Variants in SNX8 observed in about 807,000 individuals in gnomAD.
The protein encoded by SNX8 is sorting nexin 8.
Under a neutral mutation model 51.6 loss-of-function variants are expected in SNX8, and 25 were observed. That is an observed-to-expected ratio of 0.48 (90% CI 0.35 to 0.68). SNX8 has a LOEUF of 0.68. Ranked by LOEUF, SNX8 falls within the 30% of genes least tolerant of loss-of-function variation. The pLI, the probability that SNX8 is intolerant of heterozygous loss-of-function variation, is 0.00. For missense variants in SNX8, 695 were observed against 624.0 expected (o/e 1.11, Z -1.21); for synonymous variants, 324 against 277.0 (o/e 1.17, Z -1.68).
At chr7:2,268,365 T>G in intron 5 of SNX8, among the ~76,000 whole-genome samples, 1 of 132,612 alleles carries the variant, frequency 7.5e-6, no homozygotes, top group Admixed American at 7.4e-5. Flanking sequence ...GTCTGAGAAG[T>G]GAGGAGCCTC....
At chr7:2,288,439 T>C (rs927619039) in intron 1 of SNX8, 1 of 166,116 alleles carries the variant, frequency 6.0e-6, no homozygotes, top group Admixed American at 6.6e-5. Flanking sequence ...ATTTCTGTCA[T>C]GGATATATTA....
chr7:2,332,687 C>T lies in SNX8; in HGVS notation c.-66+21535G>A, dbSNP rs112199571. Among the ~76,000 whole-genome samples the T allele has an allele frequency of 2.2e-3, 335 of 149,368 alleles. 1 individual carries two copies. The highest frequency in any genetic ancestry group is 6.5e-3 in the African/African-American group (262 of 40,376). On this transcript the variant is annotated intron_variant, in intron 1 of 5. Transcript: ENST00000435336. ...ACTGCTTAAGTCCGGGACATCAAGG[C>T]TACTGTGAGCTATAATGGGACCACT... is the stretch of plus-strand genomic sequence containing the variant.
intron 1 of SNX8, among the ~76,000 whole-genome samples, chr7:2,301,405 G>C (rs533678271): frequency 1.3e-5 from 2 of 152,308 alleles, no homozygotes; most frequent in East Asian, 1.9e-4. Flanking sequence ...GCTTTGTCTA[G>C]GAAGGAATTC....
intron 1 of SNX8, among the ~76,000 whole-genome samples, chr7:2,326,263 G>A (rs545004944): frequency 2.3e-4 from 35 of 152,260 alleles, no homozygotes; most frequent in African/African-American, 8.2e-4. Context: ...TACTTGGGAG[G>A]CTGAGGCAAG....
Position 2,268,449 on chromosome 7 carries a change from T to C in SNX8, c.621+1110A>G, listed in dbSNP as rs1241559606. Reference sequence around the variant, plus strand: ...GCAGCCACCCCATCCGGGAGGGAGGTGGGGGGGGTCAGCCCCCCGCCCGGC... The same window carrying C: ...GCAGCCACCCCATCCGGGAGGGAGGCGGGGGGGGTCAGCCCCCCGCCCGGC... On this transcript the variant is annotated intron_variant, in intron 5 of 10. Transcript: ENST00000222990. 9.5e-3 allele frequency among the ~76,000 whole-genome samples: 998 copies of C among 105,426 alleles called. 6 individuals carry two copies. Among genetic ancestry groups the C allele is most frequent in the Admixed American group, 0.017 (182 of 10,776 alleles). 69.2% of individuals were successfully genotyped at this position (105,426 alleles called of 152,430 possible).
upstream of SNX8, among the ~76,000 whole-genome samples, chr7:2,318,384 G>C (rs1796786253): frequency 1.3e-5 from 2 of 151,616 alleles, no homozygotes; most frequent in African/African-American, 4.8e-5. Flanking sequence ...AACCACTACA[G>C]TCTCTACCGG....
chr7:2,334,895 A>AG (rs1778798610), intron 1 of SNX8, among the ~76,000 whole-genome samples: 1 of 127,136 alleles, frequency 7.9e-6, no homozygotes, highest in Non-Finnish European at 1.7e-5. Flanking sequence ...AAAAAAAAAA[A>AG]AAGACTTGTT....
chr7:2,268,041 AG>A (rs1795520961), intron 5 of SNX8, among the ~76,000 whole-genome samples: 1 of 135,894 alleles, frequency 7.4e-6, no homozygotes. Flanking sequence ...CTGCCCGGCC[AG>A]CCACCCCGTC....
intron 1 of SNX8, among the ~76,000 whole-genome samples, chr7:2,285,133 A>G (rs1177048293): frequency 6.7e-6 from 1 of 148,736 alleles, no homozygotes; most frequent in Non-Finnish European, 1.5e-5. Flanking sequence ...AATGGCGTGA[A>G]CCCGGGAGGC....
At chr7:2,299,236 C>G (rs977949200) in intron 1 of SNX8, 1 of 152,016 alleles carries the variant, frequency 6.6e-6, no homozygotes, top group East Asian at 1.9e-4. Context: ...CCACGCACAC[C>G]CACACACAAG....
At position 2,314,399 on chromosome 7, in the gene SNX8, G is replaced by A. The variant is rs146149554; in HGVS notation, c.23C>T (p.Pro8Leu). Residue 8 changes from proline (P) to leucine (L), a missense_variant, in exon 1 of 11, where the codon CCG (proline) becomes CTG (leucine). Pro to Leu is a moderately conservative substitution (Grantham distance 98, BLOSUM62 -3). Transcript: ENST00000222990. ...CGCCCCGACTGCAGCCGCGGGCAGC[G>A]GGTCCATCGCGCGGCCAGTCATGTG... MTGRAMDPLPAAAVGAAA... is the reference protein window; with the variant it reads MTGRAMDLLPAAAVGAAA... 7.4e-6 allele frequency: 9 copies of A among 1,219,516 alleles called. No homozygotes were observed. Among genetic ancestry groups the A allele is most frequent in the Admixed American group, 4.3e-5 (1 of 23,188 alleles). The allele number at this position is 1,219,516 out of a possible 1,614,324, so 75.5% of individuals were successfully genotyped here. A position where few individuals can be genotyped will look rare whatever the true frequency, so the allele number is the denominator to read the frequency against.
At chr7:2,259,080 G>C (rs570322347) in intron 7 of SNX8, among the ~76,000 whole-genome samples, 1 of 152,202 alleles carries the variant, frequency 6.6e-6, no homozygotes, top group Non-Finnish European at 1.5e-5. Context: ...AGGCATCTGC[G>C]GTATGAAGAG....
In SNX8 at chr7:2,271,371, G is replaced by A. The variant is rs375941741; in HGVS notation, c.540+479C>T. The stretch of plus-strand genomic sequence containing the variant: ...TAGCTTCTTGACACACAATAAGGCT[G>A]TGCCGCAGCAGCTGGGAGGAGGGAA... On this transcript the variant is annotated intron_variant, in intron 4 of 10. Coordinates refer to ENST00000222990, the MANE Select transcript of SNX8 (RefSeq NM_013321.4). Among the ~76,000 whole-genome samples, 4 of 152,360 alleles carry A rather than the reference G, an allele frequency of 2.6e-5. No individual in the cohort carries two copies. In the East Asian group the frequency reaches 7.7e-4, roughly 29 times the overall value.
intron 7 of SNX8, among the ~76,000 whole-genome samples, chr7:2,258,008 C>CTTTTTTTT (rs59062161): frequency 7.9e-6 from 1 of 126,662 alleles, no homozygotes; most frequent in African/African-American, 3.2e-5. Context: ...GCCCAGCAGT[C>CTTTTTTTT]TTTTTTTTTT....
At chr7:2,321,196 G>T (rs1246399448) in intron 1 of SNX8, among the ~76,000 whole-genome samples, 6 of 152,080 alleles carry the variant, frequency 3.9e-5, no homozygotes, top group Admixed American at 1.3e-4. Context: ...GGCTACAGGT[G>T]GGAACGTGAG....
intron 5 of SNX8, among the ~76,000 whole-genome samples, chr7:2,268,934 C>T (rs1300267078): frequency 4.7e-5 from 6 of 127,522 alleles, no homozygotes; most frequent in African/African-American, 1.2e-4. Context: ...CCTGGCCAGC[C>T]GCCCCGTCCG....
chr7:2,321,713 C>CTTT (rs59105866), intron 1 of SNX8, among the ~76,000 whole-genome samples: 11 of 88,676 alleles, frequency 1.2e-4, no homozygotes, highest in Admixed American at 2.9e-4. Context: ...CGCGCCCGGC[C>CTTT]TTTTTTTTTT....
chr7:2,336,844 T>TA (rs1482283524), intron 1 of SNX8, among the ~76,000 whole-genome samples: 6 of 147,300 alleles, frequency 4.1e-5, no homozygotes, highest in Non-Finnish European at 7.5e-5. Context: ...TCATCTCTAC[T>TA]AAAAAAACAA....
At position 2,252,216 on chromosome 7, in the gene SNX8, C is replaced by A. The variant is rs2115075158; in HGVS notation, c.*2840G>T. ...CTGGCATCTCCACCAGCATCACACGCAGCTGTCCCTGCCAGCTAGGCAAGG... is the reference window on the plus strand; with the variant it reads ...CTGGCATCTCCACCAGCATCACACGAAGCTGTCCCTGCCAGCTAGGCAAGG... On this transcript the variant is annotated 3_prime_UTR_variant, in exon 11 of 11. Coordinates refer to ENST00000222990, the MANE Select transcript of SNX8 (RefSeq NM_013321.4). 2 of 152,322 alleles carry A rather than the reference C, an allele frequency of 1.3e-5. No individual in the cohort carries two copies. Among genetic ancestry groups the A allele is most frequent in the South Asian group, 4.1e-4 (2 of 4,832 alleles). 9.4% of individuals were successfully genotyped at this position (152,322 alleles called of 1,614,324 possible). A position where few individuals can be genotyped will look rare whatever the true frequency, so the allele number is the denominator to read the frequency against.
Sources: allele counts gnomAD v4.1 joint callset (sites outside exome capture counted in the v4.1 genomes callset), GRCh38; gene constraint gnomAD v4.1.1; transcripts MANE v1.5; gene names NCBI Gene and HGNC (gene_info 2026-07-23, HGNC 2026-07-21).